The following BCAR3 variants were observed in gnomAD, a reference collection of about 807,000 sequenced individuals.
BCAR3 encodes the protein breast cancer anti-estrogen resistance protein 3.
Under a neutral mutation model 80.1 loss-of-function variants are expected in BCAR3, and 37 were observed. The ratio of observed to expected loss-of-function variants is 0.46; its 90% CI spans 0.36 to 0.61. BCAR3 has a LOEUF of 0.61. Ranked by LOEUF, BCAR3 falls within the 20% of genes least tolerant of loss-of-function variation. The pLI, the probability that BCAR3 is intolerant of heterozygous loss-of-function variation, is 0.00. For synonymous variants in BCAR3, 389 were observed against 418.9 expected (o/e 0.93, Z 0.87); for missense variants, 978 against 1,068.2 (o/e 0.92, Z 1.18).
chr1:93,623,878 T>C (rs1171700486), intron 3 of BCAR3, among the ~76,000 whole-genome samples: 1 of 152,240 alleles, frequency 6.6e-6, no homozygotes, highest in Admixed American at 6.5e-5. Context: ...TGAACTGATG[T>C]TACATGAAAA....
chr1:93,591,956 G>A (rs956643414), intron 4 of BCAR3, among the ~76,000 whole-genome samples: 8 of 152,216 alleles, frequency 5.3e-5, no homozygotes, highest in African/African-American at 1.2e-4. Context: ...GCCACAGCCC[G>A]CCCTCCTAGT....
chr1:93,781,332 G>A (rs563856734), intron 2 of BCAR3, among the ~76,000 whole-genome samples: 1 of 152,122 alleles, frequency 6.6e-6, no homozygotes, highest in Non-Finnish European at 1.5e-5. Context: ...GGGCCACATG[G>A]CCAACAACCT....
intron 2 of BCAR3, among the ~76,000 whole-genome samples, chr1:93,838,743 G>A (rs1347774318): frequency 6.6e-6 from 1 of 152,142 alleles, no homozygotes; most frequent in African/African-American, 2.4e-5. Flanking sequence ...TTGCATTCAA[G>A]GGCAGACATT....
intron 2 of BCAR3, among the ~76,000 whole-genome samples, chr1:93,713,954 T>A (rs973433018): frequency 5.9e-5 from 9 of 152,330 alleles, no homozygotes; most frequent in Admixed American, 3.9e-4. Context: ...GGGAGAGGCA[T>A]TTAAAAAATT....
intron 2 of BCAR3, among the ~76,000 whole-genome samples, chr1:93,769,355 A>ATGTGTGTGTGTGTGTG (rs59798936): frequency 4.3e-4 from 51 of 119,918 alleles, no homozygotes; most frequent in African/African-American, 1.6e-3. Flanking sequence ...GTGGGTAGGA[A>ATGTGTGTGTGTGTGTG]TGTGTGTGTG....
chr1:93,788,022 T>C lies in BCAR3; in HGVS notation c.-63+57545A>G, dbSNP rs542493634. Among the ~76,000 whole-genome samples, 12 of 152,356 alleles carry C rather than the reference T, an allele frequency of 7.9e-5. No homozygotes were observed. In the South Asian group the frequency reaches 2.3e-3, roughly 29 times the overall value. ...TGTTAGGTGCATGTATATTTAGGAA[T>C]GTAATGTCTTCCTGTTGGACTAATC... On this transcript the variant is annotated intron_variant, in intron 2 of 13. Transcript: ENST00000370244.
At chr1:93,704,835 G>A (rs900913447) in intron 3 of BCAR3, among the ~76,000 whole-genome samples, 3 of 152,158 alleles carry the variant, frequency 2.0e-5, no homozygotes, top group Non-Finnish European at 4.4e-5. Context: ...AAGCCTATCA[G>A]ACATTGCACT....
At chr1:93,688,059 T>A (rs899756984) in intron 3 of BCAR3, among the ~76,000 whole-genome samples, 2 of 152,172 alleles carry the variant, frequency 1.3e-5, no homozygotes, top group Non-Finnish European at 2.9e-5. Context: ...TTTTCAGAAG[T>A]CTTACCCTCT....
intron 2 of BCAR3, among the ~76,000 whole-genome samples, chr1:93,723,077 C>T (rs1278554391): frequency 6.6e-6 from 1 of 152,174 alleles, no homozygotes; most frequent in East Asian, 1.9e-4. Flanking sequence ...AACCAATAGA[C>T]CCCAGCTCCA....
chr1:93,664,605 C>CTAA (rs1284119634), intron 2 of BCAR3, among the ~76,000 whole-genome samples: 2 of 152,182 alleles, frequency 1.3e-5, no homozygotes, highest in Non-Finnish European at 2.9e-5. Flanking sequence ...GAATCCAAGA[C>CTAA]TAATACACAG....
chr1:93,718,627 A>C (rs1336566792), intron 2 of BCAR3, among the ~76,000 whole-genome samples: 1 of 150,854 alleles, frequency 6.6e-6, no homozygotes, highest in Non-Finnish European at 1.5e-5. Flanking sequence ...TCCCTCCAGG[A>C]TGCTTGGCCA....
rs774982366 is a variant in BCAR3, at chr1:93,588,994, G to C, written c.912C>G (p.Pro304=). Residue 304 remains proline (P), a synonymous_variant, in exon 5 of 12, where the codon CCC becomes CCG. Coordinates refer to ENST00000260502, the MANE Select transcript of BCAR3 (RefSeq NM_003567.4). The stretch of plus-strand genomic sequence containing the variant: ...TGACCTACCTGAGGAGGTTTCCCCT[G>C]GGCAAATTCTGCTCTCGGGCCTGGA... The part of the protein sequence containing the change: ...GGVQAREQNL[P]RGNLLRNKEK... 6.3e-7 allele frequency: 1 copy of C among 1,578,474 alleles called. No individual in the cohort carries two copies. The highest frequency in any genetic ancestry group is 1.7e-5 in the Admixed American group (1 of 58,388).
intron 3 of BCAR3, among the ~76,000 whole-genome samples, chr1:93,618,939 G>GT (rs386367697): frequency 2.0e-3 from 234 of 119,474 alleles, no homozygotes; most frequent in East Asian, 0.012. Flanking sequence ...TTTTTTTTTT[G>GT]TTTTTTTTTT....
chr1:93,833,512 C>T (rs919692182), intron 2 of BCAR3, among the ~76,000 whole-genome samples: 2 of 152,154 alleles, frequency 1.3e-5, no homozygotes, highest in Non-Finnish European at 2.9e-5. Context: ...GTATTTCATC[C>T]CTTATCTACA....
upstream of BCAR3, chr1:93,848,014 T>G (rs1029760718): frequency 5.8e-6 from 1 of 173,192 alleles, no homozygotes; most frequent in Non-Finnish European, 1.2e-5. Flanking sequence ...CCCCCACGCC[T>G]TGAGCGGGAC....
intron 2 of BCAR3, chr1:93,775,246 C>T (rs888873199): frequency 6.6e-6 from 1 of 152,198 alleles, no homozygotes; most frequent in Non-Finnish European, 1.5e-5. Flanking sequence ...TTTTATCTCT[C>T]CTGGGCTGGG....
At chr1:93,665,877 T>C (rs1647883455) in intron 2 of BCAR3, among the ~76,000 whole-genome samples, 1 of 152,120 alleles carries the variant, frequency 6.6e-6, no homozygotes, top group Non-Finnish European at 1.5e-5. Context: ...CCCTATCCCA[T>C]ATACCCAGCT....
chr1:93,830,586 C>T lies in BCAR3; in HGVS notation c.-63+14981G>A, dbSNP rs1015571473. On this transcript the variant is annotated intron_variant, in intron 2 of 13. Coordinates refer to the BCAR3 transcript ENST00000370244. ...CCAAGAGAAAAACCCCCTTTGACTA[C>T]AATTTTCCACTACCCACCCAAATCC... Among the ~76,000 whole-genome samples the T allele has an allele frequency of 2.6e-5, 4 of 152,126 alleles. No homozygotes were observed. In the East Asian group the frequency reaches 5.8e-4, roughly 22 times the overall value.
intron 2 of BCAR3, among the ~76,000 whole-genome samples, chr1:93,670,543 G>C (rs147917004): frequency 6.6e-5 from 10 of 152,310 alleles, no homozygotes; most frequent in Non-Finnish European, 1.5e-4. Flanking sequence ...GGAACACACT[G>C]TCTGGGGAAG....
Sources: allele counts gnomAD v4.1 joint callset (sites outside exome capture counted in the v4.1 genomes callset), GRCh38; gene constraint gnomAD v4.1.1; transcripts MANE v1.5; gene names NCBI Gene and HGNC (gene_info 2026-07-23, HGNC 2026-07-21).